The following ILDR2 variants were observed in gnomAD, a reference collection of about 807,000 sequenced individuals.
ILDR2 encodes the protein immunoglobulin-like domain-containing receptor 2.
A neutral mutation model predicts 66.8 loss-of-function variants in ILDR2; 25 were observed. The observed-to-expected ratio is 0.37, with a 90% CI of 0.27 to 0.52. The LOEUF is 0.52. Among genes scored for constraint, ILDR2 ranks in the 20% least tolerant of loss-of-function variants. ILDR2 has a pLI of 0.88. For synonymous variants in ILDR2, 367 were observed against 357.2 expected, an observed-to-expected ratio of 1.03 and a Z score of -0.31; for missense variants, 827 against 876.8, an observed-to-expected ratio of 0.94 and a Z score of 0.72.
chr1:166,967,623 G>A (rs942386577), intron 1 of ILDR2, among the ~76,000 whole-genome samples: 2 of 152,162 alleles, frequency 1.3e-5, no homozygotes, highest in African/African-American at 2.4e-5. Context: ...CGAGCATGGT[G>A]ATGTGTGCCT....
chr1:166,946,330 A>G lies in ILDR2; in HGVS notation c.500-6760T>C, dbSNP rs1267818179. Among the ~76,000 whole-genome samples the G allele has an allele frequency of 1.3e-5, 2 of 152,198 alleles. 1 individual carries two copies. The highest frequency in any genetic ancestry group is 4.1e-4 in the South Asian group (2 of 4,828). ...TAAACTATGTTCTTAAGCATTTCAT[A>G]TGTTTACTTTTTCTTTCTGTGTCCT... On this transcript the variant is annotated intron_variant, in intron 3 of 9. Transcript: ENST00000271417.
rs1401882088 is a variant in ILDR2, at chr1:166,958,058, C to G, written c.90G>C (p.Lys30Asn). ...CAGTGGGCTGGAAGAGCATGGCCAC[C>G]TTCTTCTTGTCGGGCACTGTGACCT... The part of the protein sequence containing the change: ...GLQVTVPDKK[K>N]VAMLFQPTVL... Residue 30 changes from lysine (K) to asparagine (N), a missense_variant, in exon 2 of 10, where the codon AAG (lysine) becomes AAC (asparagine). Physicochemically the swap from Lys to Asn is moderately conservative, Grantham distance 94. Coordinates refer to ENST00000271417, the MANE Select transcript of ILDR2 (RefSeq NM_199351.3). The G allele has an allele frequency of 1.2e-6, 2 of 1,612,854 alleles. No individual in the cohort carries two copies. The highest frequency in any genetic ancestry group is 2.7e-5 in the African/African-American group (2 of 74,846).
At chr1:166,975,185 A>T in intron 1 of ILDR2, 38 bp downstream of exon 1, 1 of 1,540,792 alleles carries the variant, frequency 6.5e-7, no homozygotes, top group East Asian at 2.2e-5. Flanking sequence ...CTACAGGAAT[A>T]TACAAAGTTA....
At chr1:166,957,276 C>A (rs1043735096) in intron 2 of ILDR2, among the ~76,000 whole-genome samples, 1 of 152,196 alleles carries the variant, frequency 6.6e-6, no homozygotes, top group African/African-American at 2.4e-5. Flanking sequence ...AGGTCCAGAG[C>A]TTTAGAGAGC....
At chr1:166,926,970 C>T (rs1321883934) in intron 7 of ILDR2, 97 bp downstream of exon 7, 2 of 724,442 alleles carry the variant, frequency 2.8e-6, no homozygotes, top group Non-Finnish European at 4.5e-6. Flanking sequence ...TCTAAGCCTG[C>T]AAGCTCAGGG....
intron 3 of ILDR2, among the ~76,000 whole-genome samples, chr1:166,947,534 A>T (rs974242684): frequency 2.6e-5 from 4 of 152,232 alleles, no homozygotes; most frequent in African/African-American, 9.6e-5. Flanking sequence ...ACGCCTGAAT[A>T]GCGGCAGCTG....
intron 6 of ILDR2, among the ~76,000 whole-genome samples, chr1:166,931,614 G>A (rs548393238): frequency 1.3e-5 from 2 of 152,318 alleles, no homozygotes; most frequent in Admixed American, 6.5e-5. Flanking sequence ...CCAGGTGGGA[G>A]ATGATTGTGT....
intron 5 of ILDR2, among the ~76,000 whole-genome samples, chr1:166,935,843 C>G (rs1361472871): frequency 6.6e-6 from 1 of 152,112 alleles, no homozygotes; most frequent in Non-Finnish European, 1.5e-5. Context: ...CAGGGACTGC[C>G]CAGGGCTGCT....
chr1:166,957,769 C>T lies in ILDR2; in HGVS notation c.379G>A (p.Asp127Asn). 1 of 1,602,626 alleles carries T rather than the reference C, an allele frequency of 6.2e-7. No individual in the cohort carries two copies. The highest frequency in any genetic ancestry group is 8.5e-7 in the Non-Finnish European group (1 of 1,171,210). ...YRGREITIVHDADLQIGKLMW... is the reference protein window; with the variant it reads ...YRGREITIVHNADLQIGKLMW... ...AGATTCAAAATAGGGGCATTATTAC[C>T]ATGAACAATCGTGATCTCTCTGCCC... The change falls in exon 2 of 10, where the codon GAT becomes AAT. Residue 127 changes from aspartate to asparagine, a missense_variant and splice_region_variant. Asp to Asn is a conservative substitution (Grantham distance 23). Transcript: ENST00000271417.
chr1:166,923,890 A>T (rs1047824524), intron 7 of ILDR2, among the ~76,000 whole-genome samples: 1 of 152,262 alleles, frequency 6.6e-6, no homozygotes, highest in Non-Finnish European at 1.5e-5. Flanking sequence ...CTTTAATTAG[A>T]ACTTCAAAAT....
intron 3 of ILDR2, among the ~76,000 whole-genome samples, chr1:166,941,351 T>C (rs1557943430): frequency 6.6e-6 from 1 of 152,328 alleles, no homozygotes; most frequent in East Asian, 1.9e-4. Flanking sequence ...GGCTAGTCTT[T>C]GACCTAAGCC....
chr1:166,953,902 A>G (rs1304462022), intron 3 of ILDR2, among the ~76,000 whole-genome samples: 2 of 152,222 alleles, frequency 1.3e-5, no homozygotes, highest in African/African-American at 4.8e-5. Context: ...TTCCATCTTT[A>G]GATGTCTCCA....
intron 1 of ILDR2, among the ~76,000 whole-genome samples, chr1:166,966,149 A>G (rs1181124906): frequency 6.6e-6 from 1 of 152,238 alleles, no homozygotes; most frequent in Non-Finnish European, 1.5e-5. Context: ...CTAAAAAACT[A>G]AAATAAAAAG....
At chr1:166,963,280 G>A (rs932772312) in intron 1 of ILDR2, among the ~76,000 whole-genome samples, 12 of 152,082 alleles carry the variant, frequency 7.9e-5, no homozygotes, top group African/African-American at 2.9e-4. Context: ...TGTGTGTCAG[G>A]GATTGTGCTA....
chr1:166,920,860 G>T lies in ILDR2; in HGVS notation c.1731C>A (p.Gly577=). The part of the protein sequence containing the change: ...AWSPPGTYKA[G]SSQDDQEDAS... The stretch of plus-strand genomic sequence containing the variant: ...CGTCCTCCTGGTCGTCCTGCGACGA[G>T]CCGGCCTTGTAGGTGCCGGGCGGCG... The change falls in exon 9 of 10, where the codon GGC becomes GGA. Residue 577 remains glycine, a synonymous_variant. Coordinates refer to ENST00000271417, the MANE Select transcript of ILDR2 (RefSeq NM_199351.3). 6.6e-7 allele frequency: 1 copy of T among 1,508,028 alleles called. No individual in the cohort carries two copies. 93.4% of individuals were successfully genotyped at this position (1,508,028 alleles called of 1,614,324 possible).
chr1:166,920,648 C>T (rs1659861771), intron 9 of ILDR2, 59 bp downstream of exon 9: 2 of 1,339,458 alleles, frequency 1.5e-6, no homozygotes, highest in African/African-American at 1.5e-5. Flanking sequence ...ACACTGCTCG[C>T]CCTGCCTGGA....
chr1:166,965,229 A>G (rs917601324), intron 1 of ILDR2, among the ~76,000 whole-genome samples: 11 of 152,284 alleles, frequency 7.2e-5, no homozygotes, highest in Admixed American at 7.2e-4. Flanking sequence ...TTCAGATTTC[A>G]GATTTTTTTG....
chr1:166,940,976 C>T (rs965079100), intron 3 of ILDR2, among the ~76,000 whole-genome samples: 18 of 152,146 alleles, frequency 1.2e-4, no homozygotes, highest in African/African-American at 4.1e-4. Context: ...AGGGGCTCCT[C>T]CAGGACACTA....
At chr1:166,974,938 A>C (rs1399220792) in intron 1 of ILDR2, among the ~76,000 whole-genome samples, 7 of 152,158 alleles carry the variant, frequency 4.6e-5, no homozygotes, top group South Asian at 2.1e-4. Flanking sequence ...TCGAAAGAAC[A>C]ACCTCAGCGC....
Sources: gnomAD v4.1 joint callset for allele counts (sites outside exome capture counted in the v4.1 genomes callset) on GRCh38, gnomAD v4.1.1 for gene constraint, MANE v1.5 for transcripts, NCBI Gene and HGNC (gene_info 2026-07-23, HGNC 2026-07-21) for gene names.